Variants in LYPD6 observed in about 807,000 individuals in gnomAD.
The protein encoded by LYPD6 is ly6/PLAUR domain-containing protein 6.
Under a neutral mutation model 22.7 loss-of-function variants are expected in LYPD6, and 15 were observed. The observed-to-expected ratio is 0.66, with a 90% CI of 0.44 to 1.02. LYPD6 has a LOEUF of 1.02. Among genes scored for constraint, LYPD6 ranks in the 50% least tolerant of loss-of-function variants. The pLI is 0.00. For missense variants in LYPD6, 189 were observed against 208.4 expected (o/e 0.91, Z 0.57); for synonymous variants, 72 against 77.5 (o/e 0.93, Z 0.37).
chr2:149,450,555 A>G (rs897768471), intron 3 of LYPD6, among the ~76,000 whole-genome samples: 10 of 152,212 alleles, frequency 6.6e-5, no homozygotes, highest in Non-Finnish European at 1.5e-4. Flanking sequence ...AGAGAAAAAC[A>G]TGGAAGCACT....
intron 1 of LYPD6, among the ~76,000 whole-genome samples, chr2:149,355,968 C>T (rs922499170): frequency 1.3e-5 from 2 of 151,950 alleles, no homozygotes; most frequent in Non-Finnish European, 2.9e-5. Context: ...ATGAACTGTG[C>T]CACCCCTCTG....
At chr2:149,404,681 A>C (rs1682653392) in intron 1 of LYPD6, among the ~76,000 whole-genome samples, 1 of 152,216 alleles carries the variant, frequency 6.6e-6, no homozygotes, top group Non-Finnish European at 1.5e-5. Flanking sequence ...GTCTGCAAAC[A>C]GGGACAATTT....
chr2:149,475,070 A>C (rs1040785738), downstream of LYPD6, among the ~76,000 whole-genome samples: 1 of 152,234 alleles, frequency 6.6e-6, no homozygotes, highest in African/African-American at 2.4e-5. Flanking sequence ...AATGTATTTC[A>C]TATCCCTTTC....
At chr2:149,416,111 T>A (rs1483852580) in intron 1 of LYPD6, among the ~76,000 whole-genome samples, 2 of 152,174 alleles carry the variant, frequency 1.3e-5, no homozygotes, top group Admixed American at 6.5e-5. Context: ...CATGGGCTGC[T>A]TTTCCTGAGA....
chr2:149,349,476 CA>C (rs1202286483), intron 1 of LYPD6, among the ~76,000 whole-genome samples: 1 of 152,052 alleles, frequency 6.6e-6, no homozygotes, highest in African/African-American at 2.4e-5. Flanking sequence ...TAAAAGTTAC[CA>C]GAATTAAACA....
chr2:149,381,705 C>A (rs1226837215), intron 1 of LYPD6, among the ~76,000 whole-genome samples: 2 of 152,160 alleles, frequency 1.3e-5, no homozygotes, highest in African/African-American at 4.8e-5. Context: ...TTTTTATTAA[C>A]CTACATTTGT....
At chr2:149,426,484 C>G (rs1267426808) in intron 1 of LYPD6, among the ~76,000 whole-genome samples, 2 of 152,204 alleles carry the variant, frequency 1.3e-5, no homozygotes, top group South Asian at 4.1e-4. Context: ...CAGCTAGCTA[C>G]AAGGGCAGAT....
intron 3 of LYPD6, among the ~76,000 whole-genome samples, chr2:149,452,215 G>T (rs2105165476): frequency 6.6e-6 from 1 of 152,318 alleles, no homozygotes; most frequent in Admixed American, 6.5e-5. Context: ...ACCCAAAATA[G>T]TGGAGCCAGG....
chr2:149,485,755 C>A, the LYPD6 span, among the ~76,000 whole-genome samples: 2 of 151,994 alleles, frequency 1.3e-5, no homozygotes, highest in Non-Finnish European at 2.9e-5. Flanking sequence ...AATTTCATTC[C>A]CCTAATGGCC....
rs552592012 is a variant in LYPD6, at chr2:149,408,208, G to T, written c.-71-29430G>T. Among the ~76,000 whole-genome samples the T allele has an allele frequency of 3.7e-3, 568 of 152,320 alleles. 3 individuals carry two copies. The highest frequency in any genetic ancestry group is 0.013 in the African/African-American group (549 of 41,584). Reference sequence around the variant, plus strand: ...GGTCAGGGACCCACTTGAGGAGGCAGTCTGCCCGTTCTCAGATCTCCAGCT... The same window carrying T: ...GGTCAGGGACCCACTTGAGGAGGCATTCTGCCCGTTCTCAGATCTCCAGCT... On this transcript the variant is annotated intron_variant, in intron 1 of 4. Transcript: ENST00000334166.
chr2:149,362,835 A>C (rs539920603), intron 1 of LYPD6, among the ~76,000 whole-genome samples: 1 of 152,100 alleles, frequency 6.6e-6, no homozygotes, highest in Non-Finnish European at 1.5e-5. Context: ...ACCTCTCAAC[A>C]CTGTTGCATG....
intron 2 of LYPD6, among the ~76,000 whole-genome samples, chr2:149,441,920 C>T (rs938574654): frequency 3.3e-5 from 5 of 152,118 alleles, no homozygotes; most frequent in Non-Finnish European, 7.4e-5. Flanking sequence ...TAATCATGTA[C>T]ACCAAAGAGC....
intron 1 of LYPD6, among the ~76,000 whole-genome samples, chr2:149,383,626 G>A (rs1682117392): frequency 6.6e-6 from 1 of 152,142 alleles, no homozygotes; most frequent in Admixed American, 6.6e-5. Context: ...ATGGGTCAAA[G>A]CCTTCCATGT....
chr2:149,443,573 G>A (rs1206268603), intron 2 of LYPD6, among the ~76,000 whole-genome samples: 2 of 151,962 alleles, frequency 1.3e-5, no homozygotes, highest in Non-Finnish European at 1.5e-5. Flanking sequence ...ATCTTTGAAA[G>A]TTGTTTATAT....
At chr2:149,361,710 T>C (rs1239820592) in intron 1 of LYPD6, among the ~76,000 whole-genome samples, 2 of 152,230 alleles carry the variant, frequency 1.3e-5, no homozygotes, top group Non-Finnish European at 2.9e-5. Flanking sequence ...AAATTCATTT[T>C]TATATCCTTG....
intron 1 of LYPD6, among the ~76,000 whole-genome samples, chr2:149,433,798 CA>C (rs144969521): frequency 6.6e-6 from 1 of 152,280 alleles, no homozygotes; most frequent in African/African-American, 2.4e-5. Flanking sequence ...GCATTTTCCC[CA>C]TGTTGTATAT....
intron 3 of LYPD6, among the ~76,000 whole-genome samples, chr2:149,457,939 C>T (rs543768129): frequency 6.6e-5 from 10 of 152,306 alleles, no homozygotes; most frequent in Non-Finnish European, 1.3e-4. Context: ...AAGAAGTCAA[C>T]ATCCTGCAAA....
At chr2:149,419,817 A>G (rs1424840945) in intron 1 of LYPD6, among the ~76,000 whole-genome samples, 2 of 146,738 alleles carry the variant, frequency 1.4e-5, no homozygotes, top group South Asian at 2.1e-4. Flanking sequence ...ATTCTCTACA[A>G]TATGTGCTCA....
chr2:149,392,272 A>C (rs1211544453), intron 1 of LYPD6, among the ~76,000 whole-genome samples: 1 of 152,172 alleles, frequency 6.6e-6, no homozygotes, highest in Non-Finnish European at 1.5e-5. Flanking sequence ...TTCACCATGA[A>C]TTTTGTGGGG....
Sources: allele counts gnomAD v4.1 joint callset (sites outside exome capture counted in the v4.1 genomes callset), GRCh38; gene constraint gnomAD v4.1.1; transcripts MANE v1.5; gene names NCBI Gene and HGNC (gene_info 2026-07-23, HGNC 2026-07-21).